EEFSEC: variants seen among roughly 807,000 people sequenced by gnomAD.
EEFSEC encodes the protein selenocysteine-specific elongation factor.
Under a neutral mutation model 42.1 loss-of-function variants are expected in EEFSEC, and 43 were observed. The observed-to-expected ratio is 1.02, with a 90% CI of 0.80 to 1.32. The LOEUF is 1.32. Ranked by LOEUF, EEFSEC falls within the 40% of genes most tolerant of loss-of-function variation. EEFSEC has a pLI of 0.00. For missense variants in EEFSEC, 745 were observed against 803.6 expected (o/e 0.93, Z 0.88); for synonymous variants, 354 against 339.1 (o/e 1.04, Z -0.48).
intron 6 of EEFSEC, among the ~76,000 whole-genome samples, chr3:128,385,431 C>G (rs769138230): frequency 3.9e-4 from 59 of 152,200 alleles, no homozygotes; most frequent in Non-Finnish European, 7.9e-4. Context: ...ATGTTGACAA[C>G]TAGTCCACAA....
At chr3:128,390,619 G>A (rs1735529) in intron 6 of EEFSEC, among the ~76,000 whole-genome samples, 3 of 152,166 alleles carry the variant, frequency 2.0e-5, no homozygotes, top group African/African-American at 4.8e-5. Flanking sequence ...GGCTGGAAGC[G>A]ACACAGGACA....
intron 4 of EEFSEC, among the ~76,000 whole-genome samples, chr3:128,309,992 A>G (rs1261696528): frequency 1.3e-5 from 2 of 152,248 alleles, no homozygotes; most frequent in Admixed American, 1.3e-4. Flanking sequence ...GAAGGAAATC[A>G]AAAAGCAAAA....
intron 1 of EEFSEC, among the ~76,000 whole-genome samples, chr3:128,222,337 G>A (rs1250485182): frequency 6.6e-6 from 1 of 152,114 alleles, no homozygotes; most frequent in Admixed American, 6.5e-5. Context: ...CCAGCTTAAA[G>A]TATTTTTTTT....
At chr3:128,282,894 C>T (rs1381808407) in intron 4 of EEFSEC, among the ~76,000 whole-genome samples, 1 of 152,230 alleles carries the variant, frequency 6.6e-6, no homozygotes, top group East Asian at 1.9e-4. Flanking sequence ...TGACGGCCTT[C>T]GGGAAGCAAG....
chr3:128,393,211 C>A (rs993947535), intron 6 of EEFSEC, among the ~76,000 whole-genome samples: 3 of 152,204 alleles, frequency 2.0e-5, no homozygotes, highest in African/African-American at 7.2e-5. Flanking sequence ...AACAGCAGGA[C>A]CCATTTCACA....
chr3:128,260,196 G>A (rs983728036), intron 2 of EEFSEC, among the ~76,000 whole-genome samples: 11 of 151,814 alleles, frequency 7.2e-5, no homozygotes, highest in South Asian at 2.1e-4. Context: ...TGGCCTCCAC[G>A]ATTTCTCCTG....
In EEFSEC at chr3:128,341,385, T is replaced by C; in HGVS notation, c.939T>C (p.His313=). The change falls in exon 5 of 7, where the codon CAT becomes CAC. Residue 313 remains histidine (H), a synonymous_variant. Transcript: ENST00000254730. The stretch of plus-strand genomic sequence containing the variant: ...CCCCCGAGTCCCTGCACACTGTCCA[T>C]GCGGCCCTCATCTCTGTGGAAAAGA... ...VCAPESLHTV[H]AALISVEKIP... The C allele has an allele frequency of 6.2e-7, 1 of 1,614,044 alleles. No individual in the cohort carries two copies. Among genetic ancestry groups the C allele is most frequent in the Non-Finnish European group, 8.5e-7 (1 of 1,180,010 alleles).
chr3:128,290,591 G>A (rs2066632828), intron 4 of EEFSEC, among the ~76,000 whole-genome samples: 1 of 149,670 alleles, frequency 6.7e-6, no homozygotes, highest in African/African-American at 2.5e-5. Context: ...TTTAAGTATT[G>A]GAATTTGGTT....
chr3:128,175,580 G>C (rs903451902), intron 1 of EEFSEC, among the ~76,000 whole-genome samples: 1 of 152,234 alleles, frequency 6.6e-6, no homozygotes, highest in Non-Finnish European at 1.5e-5. Flanking sequence ...CTCTAGGGGA[G>C]GCTGATAAAA....
At chr3:128,239,408 C>G (rs2066047076) in intron 1 of EEFSEC, among the ~76,000 whole-genome samples, 1 of 152,168 alleles carries the variant, frequency 6.6e-6, no homozygotes, top group Non-Finnish European at 1.5e-5. Flanking sequence ...GTGCCCTCCT[C>G]CAACTTACTG....
chr3:128,411,926 C>G (rs746063288), downstream of EEFSEC, among the ~76,000 whole-genome samples: 1 of 152,234 alleles, frequency 6.6e-6, no homozygotes, highest in Non-Finnish European at 1.5e-5. Flanking sequence ...GTGCTGACGT[C>G]TGGGTGTGCA....
At chr3:128,323,470 C>T (rs755827938) in intron 4 of EEFSEC, among the ~76,000 whole-genome samples, 7 of 152,210 alleles carry the variant, frequency 4.6e-5, no homozygotes, top group Non-Finnish European at 8.8e-5. Flanking sequence ...CTGGAAACAG[C>T]ATACCTCACT....
At chr3:128,405,210 G>C (rs890806400) in intron 6 of EEFSEC, among the ~76,000 whole-genome samples, 3 of 152,074 alleles carry the variant, frequency 2.0e-5, no homozygotes, top group African/African-American at 7.2e-5. Flanking sequence ...TGGAGACGGG[G>C]TTTCACCGTG....
At chr3:128,395,949 T>C (rs1030823293) in intron 6 of EEFSEC, among the ~76,000 whole-genome samples, 4 of 152,238 alleles carry the variant, frequency 2.6e-5, no homozygotes, top group African/African-American at 9.6e-5. Flanking sequence ...CAAGCTGCTG[T>C]GTCACCAAGC....
At chr3:128,224,278 A>AGG (rs2065888172) in intron 1 of EEFSEC, among the ~76,000 whole-genome samples, 1 of 152,202 alleles carries the variant, frequency 6.6e-6, no homozygotes, top group Non-Finnish European at 1.5e-5. Context: ...TTTTCATAGA[A>AGG]TGTATTTCTT....
intron 1 of EEFSEC, among the ~76,000 whole-genome samples, chr3:128,231,824 C>A (rs2065961663): frequency 6.6e-6 from 1 of 152,122 alleles, no homozygotes; most frequent in African/African-American, 2.4e-5. Context: ...TTCTGAGATT[C>A]CAAGCCATCC....
chr3:128,417,011 AG>A, the EEFSEC span, among the ~76,000 whole-genome samples: 1 of 152,064 alleles, frequency 6.6e-6, no homozygotes, highest in Non-Finnish European at 1.5e-5. This position sits in a 1 kb window ranked among gnomAD's most constrained non-coding sequence, Gnocchi z 4.3. Context: ...CTGTCCCAGC[AG>A]GGTTCCTGAC....
intron 1 of EEFSEC, among the ~76,000 whole-genome samples, chr3:128,184,361 C>T (rs1206749690): frequency 6.6e-6 from 1 of 152,190 alleles, no homozygotes; most frequent in South Asian, 2.1e-4. Flanking sequence ...CTCCCACCAG[C>T]TCCTGGCCAC....
downstream of EEFSEC, among the ~76,000 whole-genome samples, chr3:128,409,045 A>G (rs990007180): frequency 1.3e-5 from 2 of 152,176 alleles, no homozygotes; most frequent in African/African-American, 2.4e-5. Flanking sequence ...GGAGGCTAGC[A>G]TGGTGAGGGC....
Sources: allele counts gnomAD v4.1 joint callset (sites outside exome capture counted in the v4.1 genomes callset), GRCh38; gene constraint gnomAD v4.1.1; non-coding constraint Gnocchi (gnomAD v3.1); transcripts MANE v1.5; gene names NCBI Gene and HGNC (gene_info 2026-07-23, HGNC 2026-07-21).